CABIN1: variants seen among roughly 807,000 people sequenced by gnomAD.
CABIN1 encodes the protein calcineurin binding protein 1.
Under a neutral mutation model 227.7 loss-of-function variants are expected in CABIN1, and 133 were observed. That is an observed-to-expected ratio of 0.58 (90% CI 0.51 to 0.67). The LOEUF (loss-of-function observed/expected upper bound fraction) is 0.67, where lower values mean the gene tolerates loss of function less well. Among genes scored for constraint, CABIN1 ranks in the 30% least tolerant of loss-of-function variants. The pLI is 0.00. For synonymous variants in CABIN1, 1,086 were observed against 1,155.1 expected (o/e 0.94, Z 1.21); for missense variants, 2,408 against 2,852.5 (o/e 0.84, Z 3.55).
At chr22:24,080,564 A>G (rs1041179828) in intron 19 of CABIN1, among the ~76,000 whole-genome samples, 6 of 152,164 alleles carry the variant, frequency 3.9e-5, no homozygotes, top group African/African-American at 1.4e-4. Context: ...TTATGCTTTC[A>G]TGTCCCTTAA....
intron 13 of CABIN1, among the ~76,000 whole-genome samples, chr22:24,062,502 C>G (rs1219172196): frequency 6.6e-6 from 1 of 151,862 alleles, no homozygotes; most frequent in Admixed American, 6.6e-5. Context: ...GGACTACAGG[C>G]GTGTGCCACC....
intron 16 of CABIN1, among the ~76,000 whole-genome samples, chr22:24,070,566 A>C (rs539272651): frequency 9.8e-4 from 150 of 152,330 alleles, no homozygotes; most frequent in African/African-American, 3.4e-3. Flanking sequence ...TACAGAGGTG[A>C]AGCCTTTCTG....
At chr22:24,155,508 T>C (rs1202643501) in intron 29 of CABIN1, among the ~76,000 whole-genome samples, 2 of 152,132 alleles carry the variant, frequency 1.3e-5, no homozygotes, top group Non-Finnish European at 2.9e-5. Context: ...CTTCCAGCTG[T>C]AAAACCCACT....
At chr22:24,151,625 A>G (rs1260762213) in intron 29 of CABIN1, among the ~76,000 whole-genome samples, 3 of 152,098 alleles carry the variant, frequency 2.0e-5, no homozygotes, top group Non-Finnish European at 2.9e-5. Flanking sequence ...TAAGCATCCT[A>G]TTGCCTCAGG....
At chr22:24,012,533 A>G (rs2034900083) in intron 1 of CABIN1, among the ~76,000 whole-genome samples, 1 of 152,152 alleles carries the variant, frequency 6.6e-6, no homozygotes, top group Non-Finnish European at 1.5e-5. Context: ...CCCACCTTCC[A>G]GGCCAGGAAA....
chr22:24,115,193 T>C (rs890683319), intron 27 of CABIN1, among the ~76,000 whole-genome samples: 1 of 152,230 alleles, frequency 6.6e-6, no homozygotes, highest in Non-Finnish European at 1.5e-5. Context: ...CCGTGACTGC[T>C]GTAGGTGCCA....
At chr22:24,056,506 A>T in intron 10 of CABIN1, 146 bp downstream of exon 10, 1 of 801,712 alleles carries the variant, frequency 1.2e-6, no homozygotes, top group Non-Finnish European at 2.0e-6. Flanking sequence ...TCTGAAGCAC[A>T]AATCTCACTG....
Position 24,040,430 on chromosome 22 carries a change from C to T in CABIN1, c.211-709C>T, listed in dbSNP as rs185724993. ...CCCCAGGAAAGAGCTTCTTGGTGCC[C>T]GTGAGTTTTTCTGTTAGAAAATGTT... On this transcript the variant is annotated intron_variant, in intron 4 of 36. Coordinates refer to ENST00000263119, the MANE Select transcript of CABIN1 (RefSeq NM_012295.4). Among the ~76,000 whole-genome samples, 516 of 152,154 alleles carry T rather than the reference C, an allele frequency of 3.4e-3. 9 individuals carry two copies. The highest frequency in any genetic ancestry group is 0.017 in the Middle Eastern group (5 of 294).
chr22:24,141,617 C>G (rs746291712), intron 29 of CABIN1, among the ~76,000 whole-genome samples: 6 of 151,692 alleles, frequency 4.0e-5, no homozygotes, highest in Non-Finnish European at 7.4e-5. Flanking sequence ...GGACTCAGAA[C>G]CACAGATGAC....
chr22:24,055,796 C>T (rs1484280495), intron 9 of CABIN1, among the ~76,000 whole-genome samples: 2 of 152,170 alleles, frequency 1.3e-5, no homozygotes, highest in East Asian at 3.9e-4. Flanking sequence ...TCACACTGTT[C>T]TTTTGCTCTT....
Position 24,082,690 on chromosome 22 carries a change from C to T in CABIN1, c.2749-538C>T, listed in dbSNP as rs369963212. Among the ~76,000 whole-genome samples, 101 of 152,288 alleles carry T rather than the reference C, an allele frequency of 6.6e-4. 1 individual carries two copies. Among genetic ancestry groups the T allele is most frequent in the African/African-American group, 2.3e-3 (96 of 41,554 alleles). On this transcript the variant is annotated intron_variant, in intron 19 of 36. Coordinates refer to ENST00000263119, the MANE Select transcript of CABIN1 (RefSeq NM_012295.4). Reference sequence around the variant, plus strand: ...CATATTCTTAGATGTAACTTGTTTACTATGTTGTTCACATCCTCTCTGATC... The same window carrying T: ...CATATTCTTAGATGTAACTTGTTTATTATGTTGTTCACATCCTCTCTGATC...
intron 19 of CABIN1, among the ~76,000 whole-genome samples, chr22:24,076,961 T>C (rs567895128): frequency 6.6e-6 from 1 of 152,330 alleles, no homozygotes; most frequent in African/African-American, 2.4e-5. Context: ...TTCGTGAAGT[T>C]CTATTGGGAT....
intron 1 of CABIN1, among the ~76,000 whole-genome samples, chr22:24,019,541 C>T (rs1243016673): frequency 6.6e-6 from 1 of 152,104 alleles, no homozygotes; most frequent in Non-Finnish European, 1.5e-5. Flanking sequence ...AGGCATGAGC[C>T]ACCATGCCCC....
chr22:24,095,849 A>G, intron 24 of CABIN1, 82 bp from the exon 25 acceptor site: 15 of 1,526,448 alleles, frequency 9.8e-6, no homozygotes, highest in East Asian at 2.3e-5. Context: ...TCATGGGCCC[A>G]TTTCCAGTGT....
intron 18 of CABIN1, among the ~76,000 whole-genome samples, chr22:24,075,900 G>T (rs1277622616): frequency 6.6e-6 from 1 of 151,946 alleles, no homozygotes; most frequent in African/African-American, 2.4e-5. Context: ...GTTCTCTCTG[G>T]GCTGGTATTT....
At chr22:24,130,815 T>C (rs1004124044) in intron 28 of CABIN1, among the ~76,000 whole-genome samples, 1 of 152,200 alleles carries the variant, frequency 6.6e-6, no homozygotes, top group Non-Finnish European at 1.5e-5. Context: ...CTGGTGGGCC[T>C]GGGAGACAGC....
At chr22:24,057,230 C>A (rs965190182) in intron 10 of CABIN1, among the ~76,000 whole-genome samples, 3 of 146,606 alleles carry the variant, frequency 2.0e-5, no homozygotes, top group Non-Finnish European at 4.6e-5. Flanking sequence ...GCCACGGCGC[C>A]CGGCCAGTCC....
chr22:24,030,025 T>C (rs1343260774), intron 1 of CABIN1, among the ~76,000 whole-genome samples: 1 of 152,234 alleles, frequency 6.6e-6, no homozygotes, highest in Non-Finnish European at 1.5e-5. Flanking sequence ...GATTAGCATG[T>C]AATACTTGGG....
chr22:24,066,865 C>T (rs2039719321), intron 15 of CABIN1, 122 bp from the exon 16 acceptor site: 1 of 905,402 alleles, frequency 1.1e-6, no homozygotes, highest in East Asian at 2.6e-5. Context: ...TTTTTTTGGG[C>T]TGGAACATAG....
Sources: gnomAD v4.1 joint callset for allele counts (sites outside exome capture counted in the v4.1 genomes callset) on GRCh38, gnomAD v4.1.1 for gene constraint, MANE v1.5 for transcripts, NCBI Gene and HGNC (gene_info 2026-07-23, HGNC 2026-07-21) for gene names.